MAGI1: variants seen among roughly 807,000 people sequenced by gnomAD.
The protein encoded by MAGI1 is membrane-associated guanylate kinase, WW and PDZ domain-containing protein 1.
In MAGI1, 58 loss-of-function variants were observed where a neutral mutation model predicts 139.9. The ratio of observed to expected loss-of-function variants is 0.41; its 90% CI spans 0.34 to 0.52. The LOEUF is 0.52. Among genes scored for constraint, MAGI1 ranks in the 20% least tolerant of loss-of-function variants. The pLI is 0.12. For missense variants in MAGI1, 1,874 were observed against 1,901.6 expected (o/e 0.99, Z 0.27); for synonymous variants, 812 against 737.9 (o/e 1.10, Z -1.63).
At chr3:65,793,776 G>A (rs1323309543) in intron 1 of MAGI1, among the ~76,000 whole-genome samples, 3 of 152,194 alleles carry the variant, frequency 2.0e-5, no homozygotes, top group Non-Finnish European at 4.4e-5. Flanking sequence ...TCCCAACTCT[G>A]AAGGAGAATC....
intron 1 of MAGI1, among the ~76,000 whole-genome samples, chr3:65,783,519 C>A (rs117913786): frequency 6.6e-6 from 1 of 151,968 alleles, no homozygotes; most frequent in Non-Finnish European, 1.5e-5. Flanking sequence ...GAGACAGGGT[C>A]TCACTCTGTC....
chr3:65,794,655 C>A (rs1383160368), intron 1 of MAGI1, among the ~76,000 whole-genome samples: 2 of 151,352 alleles, frequency 1.3e-5, no homozygotes, highest in African/African-American at 4.9e-5. Context: ...GCCTCACAAC[C>A]AGCGATGCCC....
At chr3:66,007,891 ATTTT>A (rs35578902) in intron 1 of MAGI1, among the ~76,000 whole-genome samples, 4 of 122,488 alleles carry the variant, frequency 3.3e-5, no homozygotes, top group East Asian at 2.3e-4. Flanking sequence ...GGCTCCATAG[ATTTT>A]TTTTTTTTTT....
chr3:65,402,153 C>T (rs1280200668), intron 12 of MAGI1, among the ~76,000 whole-genome samples: 1 of 152,154 alleles, frequency 6.6e-6, no homozygotes, highest in African/African-American at 2.4e-5. Flanking sequence ...CTCCTACTCA[C>T]AGCTTGTTGG....
chr3:65,477,708 A>ATTTTT (rs10647105), intron 4 of MAGI1, among the ~76,000 whole-genome samples: 27 of 114,216 alleles, frequency 2.4e-4, no homozygotes, highest in African/African-American at 1.0e-3. Flanking sequence ...TATTATTATT[A>ATTTTT]TTATTTTTTT....
intron 1 of MAGI1, among the ~76,000 whole-genome samples, chr3:65,852,979 CAAAAAA>C (rs57460083): frequency 1.3e-4 from 14 of 104,242 alleles, no homozygotes; most frequent in East Asian, 5.7e-4. Context: ...ACTAAAAATA[CAAAAAA>C]AAAAAAAAAA....
In MAGI1 at chr3:65,453,243, T is replaced by G. The variant is rs773463072; in HGVS notation, c.1042+15A>C. ...CCCCCAATTCACTTAACCCAAGACCTGCCTGGCCCCTTACCATCATCTTCA... is the reference window on the plus strand; with the variant it reads ...CCCCCAATTCACTTAACCCAAGACCGGCCTGGCCCCTTACCATCATCTTCA... On this transcript the variant is annotated intron_variant, in intron 6 of 22. Transcript: ENST00000402939. The G allele has an allele frequency of 6.2e-7, 1 of 1,613,400 alleles. No individual in the cohort carries two copies. Among genetic ancestry groups the G allele is most frequent in the Non-Finnish European group, 8.5e-7 (1 of 1,179,450 alleles).
chr3:66,030,147 T>C (rs2068515282), intron 1 of MAGI1, among the ~76,000 whole-genome samples: 1 of 152,140 alleles, frequency 6.6e-6, no homozygotes, highest in Non-Finnish European at 1.5e-5. Flanking sequence ...TAAGACCAAC[T>C]GAAGCAGGCC....
At chr3:65,515,930 G>C (rs1394022200) in intron 2 of MAGI1, among the ~76,000 whole-genome samples, 1 of 152,220 alleles carries the variant, frequency 6.6e-6, no homozygotes, top group Non-Finnish European at 1.5e-5. Flanking sequence ...ATTGGAGAAG[G>C]CAGTACTGAC....
intron 1 of MAGI1, among the ~76,000 whole-genome samples, chr3:65,979,714 T>A (rs138108532): frequency 8.5e-5 from 13 of 152,330 alleles, no homozygotes; most frequent in African/African-American, 2.9e-4. Context: ...ACTTGATGGC[T>A]TGCAATCCAA....
At chr3:65,617,936 G>A (rs891825347) in intron 2 of MAGI1, among the ~76,000 whole-genome samples, 1 of 152,124 alleles carries the variant, frequency 6.6e-6, no homozygotes, top group Non-Finnish European at 1.5e-5. Context: ...GGACAGGCAG[G>A]CATGCAGCAG....
intron 2 of MAGI1, among the ~76,000 whole-genome samples, chr3:65,568,288 A>G (rs1259830651): frequency 6.6e-6 from 1 of 152,202 alleles, no homozygotes; most frequent in East Asian, 1.9e-4. Flanking sequence ...AATAAAAATA[A>G]AATATTTTTT....
chr3:65,908,062 A>G (rs1381000792), intron 1 of MAGI1, among the ~76,000 whole-genome samples: 1 of 152,218 alleles, frequency 6.6e-6, no homozygotes, highest in Admixed American at 6.5e-5. Flanking sequence ...AAGTTAACAC[A>G]AGAAATACAC....
At chr3:65,409,854 T>C (rs965666530) in intron 12 of MAGI1, among the ~76,000 whole-genome samples, 1 of 152,196 alleles carries the variant, frequency 6.6e-6, no homozygotes, top group African/African-American at 2.4e-5. Flanking sequence ...CTGAAATAAG[T>C]AGCTCCCAAG....
In MAGI1 at chr3:65,836,671, T is replaced by C. The variant is rs1340146986; in HGVS notation, c.313+201325A>G. 2.0e-5 allele frequency among the ~76,000 whole-genome samples: 3 copies of C among 151,834 alleles called. No homozygotes were observed. The East Asian group carries it at 5.8e-4, about 29-fold the overall frequency. On this transcript the variant is annotated intron_variant, in intron 1 of 22. Coordinates refer to ENST00000402939, the MANE Select transcript of MAGI1 (RefSeq NM_001033057.2). ...CCATCTCTACTAAAACTACAAAAAT[T>C]AGCTGGGCGTGGTGGTGGGCGCCTA...
intron 2 of MAGI1, among the ~76,000 whole-genome samples, chr3:65,550,897 G>C (rs1287268169): frequency 6.6e-6 from 1 of 152,184 alleles, no homozygotes; most frequent in Non-Finnish European, 1.5e-5. Context: ...CATGGGCCTA[G>C]GAGTCTGAGG....
intron 2 of MAGI1, among the ~76,000 whole-genome samples, chr3:65,527,858 G>A (rs1023890712): frequency 2.0e-5 from 3 of 151,452 alleles, no homozygotes; most frequent in African/African-American, 7.3e-5. Flanking sequence ...GAGGTTGCGA[G>A]ATCATGCCAC....
intron 1 of MAGI1, among the ~76,000 whole-genome samples, chr3:65,923,480 C>G (rs920454709): frequency 3.3e-5 from 5 of 152,132 alleles, no homozygotes; most frequent in African/African-American, 4.8e-5. Flanking sequence ...CCACCTCGGC[C>G]TCCCAAAGTG....
At chr3:65,844,215 T>C (rs1303425388) in intron 1 of MAGI1, 15 of 495,960 alleles carry the variant, frequency 3.0e-5, no homozygotes, top group South Asian at 6.0e-5. Context: ...AGTTTGGATA[T>C]AGATTCTCTG....
Sources: gnomAD v4.1 joint callset for allele counts (sites outside exome capture counted in the v4.1 genomes callset) on GRCh38, gnomAD v4.1.1 for gene constraint, MANE v1.5 for transcripts, NCBI Gene and HGNC (gene_info 2026-07-23, HGNC 2026-07-21) for gene names.